Variants in AFF3 observed in about 807,000 individuals in gnomAD.
AFF3 encodes AF4/FMR2 family member 3.
AFF3 carries 32 observed loss-of-function variants against 129.7 expected under a neutral mutation model. The ratio of observed to expected loss-of-function variants is 0.25; its 90% confidence interval spans 0.19 to 0.33. The LOEUF (loss-of-function observed/expected upper bound fraction) is 0.33. Ranked by LOEUF, AFF3 falls within the 10% of genes least tolerant of loss-of-function variation. AFF3 has a pLI of 1.00. For synonymous variants in AFF3, 644 were observed against 635.4 expected, an observed-to-expected ratio of 1.01 and a Z score of -0.20; for missense variants, 1,373 against 1,592.0, an observed-to-expected ratio of 0.86 and a Z score of 2.34.
At chr2:99,994,351 CAGAA>C (rs1559040728) in intron 7 of AFF3, among the ~76,000 whole-genome samples, 1 of 151,994 alleles carries the variant, frequency 6.6e-6, no homozygotes, top group African/African-American at 2.4e-5. Context: ...ACCAAAGAAA[CAGAA>C]AGAGAGAGGT....
chr2:99,801,943 C>T (rs1685974122), intron 8 of AFF3, among the ~76,000 whole-genome samples: 1 of 152,142 alleles, frequency 6.6e-6, no homozygotes, highest in Non-Finnish European at 1.5e-5. Context: ...TAAATGCATG[C>T]ATATGCAGGT....
chr2:100,050,494 GC>G, intron 4 of AFF3, among the ~76,000 whole-genome samples: 1 of 152,148 alleles, frequency 6.6e-6, no homozygotes, highest in East Asian at 2.0e-4. Context: ...CCACAGAGCA[GC>G]CAAGATGTTT....
intron 7 of AFF3, among the ~76,000 whole-genome samples, chr2:99,973,110 T>C (rs1033203189): frequency 1.3e-5 from 2 of 152,222 alleles, no homozygotes; most frequent in African/African-American, 2.4e-5. Flanking sequence ...CTGGTTTACC[T>C]TGTGTCATTT....
intron 8 of AFF3, among the ~76,000 whole-genome samples, chr2:99,768,552 C>A (rs57010690): frequency 6.6e-6 from 1 of 152,146 alleles, no homozygotes; most frequent in Non-Finnish European, 1.5e-5. Flanking sequence ...TACAGTGTTG[C>A]AATATTCTGT....
chr2:100,127,667 C>T (rs1692255381), intron 2 of AFF3, among the ~76,000 whole-genome samples: 1 of 152,212 alleles, frequency 6.6e-6, no homozygotes, highest in African/African-American at 2.4e-5. Flanking sequence ...AGTTGTTACC[C>T]AGAGGCCTGG....
chr2:99,586,629 A>AG, intron 16 of AFF3, among the ~76,000 whole-genome samples: 1 of 152,262 alleles, frequency 6.6e-6, no homozygotes, highest in Admixed American at 6.5e-5. Flanking sequence ...TTCATCACAG[A>AG]GGGGAGTCAG....
intron 13 of AFF3, among the ~76,000 whole-genome samples, chr2:99,618,818 C>T (rs1269093251): frequency 1.3e-5 from 2 of 152,200 alleles, no homozygotes; most frequent in African/African-American, 2.4e-5. Context: ...TTTTCTAACA[C>T]GACCTCTCAG....
chr2:99,867,997 C>A (rs1004153418), intron 7 of AFF3, among the ~76,000 whole-genome samples: 1 of 151,034 alleles, frequency 6.6e-6, no homozygotes, highest in East Asian at 2.0e-4. Context: ...CTCATTAACA[C>A]CCACGACTCT....
intron 7 of AFF3, among the ~76,000 whole-genome samples, chr2:99,847,351 T>C (rs1014826306): frequency 1.3e-5 from 2 of 151,684 alleles, no homozygotes; most frequent in African/African-American, 4.8e-5. Flanking sequence ...AATTTTTGTA[T>C]TTTCAGGAGA....
intron 8 of AFF3, among the ~76,000 whole-genome samples, chr2:99,800,715 G>C (rs1350126978): frequency 6.6e-6 from 1 of 152,166 alleles, no homozygotes; most frequent in African/African-American, 2.4e-5. Context: ...ATTTTGTTAT[G>C]TCCATACAAT....
intron 2 of AFF3, chr2:100,106,891 G>T: frequency 1.0e-6 from 1 of 985,530 alleles, no homozygotes; most frequent in Non-Finnish European, 1.2e-6. Flanking sequence ...AAGGCCCTGG[G>T]ATGGTATAGA....
At chr2:99,848,251 A>AAAAAATAAAAAT (rs59558629) in intron 7 of AFF3, among the ~76,000 whole-genome samples, 18 of 148,314 alleles carry the variant, frequency 1.2e-4, no homozygotes, top group East Asian at 2.0e-4. Flanking sequence ...CTCTGCCTCA[A>AAAAAATAAAAAT]AAAAATAAAA....
At position 99,587,235 on chromosome 2, in the gene AFF3, C is replaced by T. The variant is rs1575434473; in HGVS notation, c.2510G>A (p.Gly837Glu). 6.2e-7 allele frequency: 1 copy of T among 1,614,054 alleles called. No individual in the cohort carries two copies. Among genetic ancestry groups the T allele is most frequent in the African/African-American group, 1.3e-5 (1 of 74,924 alleles). ...CAGTCTTGAAGAGCTGTCTTTCTCT[C>T]CCTGGGACTTCTTGATCTCCCTGTA... ...DDYREIKKSQ[G>E]EKDSSSRLAT... The change falls in exon 16 of 25, where the codon GGA becomes GAA. Residue 837 changes from glycine to glutamate, a missense_variant. By Grantham distance (98) the Gly-to-Glu change is moderately conservative. Around this residue, in one of 9 missense-constraint regions of AFF3, gnomAD observed 466 missense variants for 505.0 expected, o/e 0.92. Coordinates refer to ENST00000672756, the MANE Select transcript of AFF3 (RefSeq NM_001386135.1).
At chr2:99,798,983 A>G (rs1039115801) in intron 8 of AFF3, among the ~76,000 whole-genome samples, 1 of 152,066 alleles carries the variant, frequency 6.6e-6, no homozygotes, top group Non-Finnish European at 1.5e-5. Flanking sequence ...AAATCTACAG[A>G]AAAAGCTACT....
At chr2:99,691,135 G>C (rs1407305394) in intron 11 of AFF3, among the ~76,000 whole-genome samples, 1 of 152,054 alleles carries the variant, frequency 6.6e-6, no homozygotes, top group African/African-American at 2.4e-5. Context: ...AATGATATTA[G>C]CTGGGACTTC....
chr2:99,981,986 G>A (rs954825205), intron 7 of AFF3, among the ~76,000 whole-genome samples: 1 of 152,176 alleles, frequency 6.6e-6, no homozygotes, highest in African/African-American at 2.4e-5. Flanking sequence ...AGTACCTTCT[G>A]TTGCTTTTTT....
At chr2:100,067,997 A>G (rs531184456) in intron 4 of AFF3, among the ~76,000 whole-genome samples, 5 of 152,210 alleles carry the variant, frequency 3.3e-5, no homozygotes, top group Non-Finnish European at 5.9e-5. Flanking sequence ...GAAGGGTTCA[A>G]TATAGGAGAA....
Position 99,594,224 on chromosome 2 carries a change from C to T in AFF3, c.1437G>A (p.Lys479=). 2 of 1,613,610 alleles carry T rather than the reference C, an allele frequency of 1.2e-6. No homozygotes were observed. Among genetic ancestry groups the T allele is most frequent in the Non-Finnish European group, 1.7e-6 (2 of 1,179,742 alleles). ...TTTCATTTTGGATCAGAATAGGAGG[C>T]TTGTGGGGATTAACTTTGTTTAGCC... ...DKWLNKVNPH[K]PPILIQNESH... The change falls in exon 15 of 25, where the codon AAG becomes AAA. Residue 479 remains lysine, a synonymous_variant. Coordinates refer to ENST00000672756, the MANE Select transcript of AFF3 (RefSeq NM_001386135.1).
At chr2:99,930,337 C>T (rs1188304877) in intron 7 of AFF3, among the ~76,000 whole-genome samples, 2 of 152,142 alleles carry the variant, frequency 1.3e-5, no homozygotes, top group Non-Finnish European at 2.9e-5. Flanking sequence ...TGGGATCCTG[C>T]CCTGTCAGTA....
Sources: allele counts gnomAD v4.1 joint callset (sites outside exome capture counted in the v4.1 genomes callset), GRCh38; gene constraint gnomAD v4.1.1; regional missense constraint gnomAD v4.1.1; transcripts MANE v1.5; gene names NCBI Gene and HGNC (gene_info 2026-07-23, HGNC 2026-07-21).